The following DNAI1 variants were observed in gnomAD, a reference collection of about 807,000 sequenced individuals.
The protein encoded by DNAI1 is dynein axonemal intermediate chain 1, also known as dynein, axonemal, intermediate polypeptide 1.
In DNAI1, 67 loss-of-function variants were observed where a neutral mutation model predicts 92.0. That is an observed-to-expected ratio of 0.73 (90% CI 0.60 to 0.89). The LOEUF (loss-of-function observed/expected upper bound fraction) is 0.89. Ranked by LOEUF, DNAI1 falls within the 40% of genes least tolerant of loss-of-function variation. The pLI, the probability that DNAI1 is intolerant of heterozygous loss-of-function variation, is 0.00. For synonymous variants in DNAI1, 323 were observed against 319.6 expected, an observed-to-expected ratio of 1.01 and a Z score of -0.11; for missense variants, 839 against 866.6, an observed-to-expected ratio of 0.97 and a Z score of 0.40.
At chr9:34,514,045 T>C (rs1300964105) in intron 16 of DNAI1, among the ~76,000 whole-genome samples, 1 of 152,178 alleles carries the variant, frequency 6.6e-6, no homozygotes, top group Non-Finnish European at 1.5e-5. Context: ...GCCTGGAAGA[T>C]GGCCAGACCA....
At position 34,520,638 on chromosome 9, in the gene DNAI1, T is replaced by TA; in HGVS notation, c.2002-19dup. ...GGGGGCCCACCATTCCTCCCTCATG[T>TA]ATACTTTCCCTCTCCCCAGGAAAAG... On this transcript the variant is annotated intron_variant, in intron 19 of 19. Coordinates refer to ENST00000242317, the MANE Select transcript of DNAI1 (RefSeq NM_012144.4). 6.5e-7 allele frequency: 1 copy of TA among 1,550,350 alleles called. No individual in the cohort carries two copies. Among genetic ancestry groups the TA allele is most frequent in the Non-Finnish European group, 8.7e-7 (1 of 1,146,088 alleles).
intron 18 of DNAI1, among the ~76,000 whole-genome samples, chr9:34,516,222 G>A (rs1825168715): frequency 6.6e-6 from 1 of 152,206 alleles, no homozygotes; most frequent in South Asian, 2.1e-4. Context: ...TGTGGTTGGG[G>A]TAGAGTAAGC....
intron 2 of DNAI1, 121 bp from the exon 3 acceptor site, chr9:34,485,021 T>C: frequency 1.1e-6 from 1 of 925,936 alleles, no homozygotes; most frequent in African/African-American, 1.6e-5. Context: ...TTATACATTT[T>C]GTATTCTACA....
At chr9:34,472,839 C>T (rs1824166575) in intron 1 of DNAI1, among the ~76,000 whole-genome samples, 1 of 151,784 alleles carries the variant, frequency 6.6e-6, no homozygotes, top group Admixed American at 6.6e-5. Context: ...GAGGTCACAG[C>T]TGCAGTGAGC....
In DNAI1 at chr9:34,506,805, G is replaced by A. The variant is rs768199292; in HGVS notation, c.1242G>A (p.Lys414=). 2.2e-5 allele frequency: 36 copies of A among 1,614,134 alleles called. No homozygotes were observed. The highest frequency in any genetic ancestry group is 3.1e-5 in the Non-Finnish European group (36 of 1,180,030). ...YDGNVAIYNL[K]KPHSQPSFCS... ...GCAACGTGGCCATTTACAACCTCAA[G>A]AAGCCCCACTCCCAGCCCTCCTTCT... The change falls in exon 13 of 20, where the codon AAG becomes AAA. Residue 414 remains lysine (K), a synonymous_variant. Transcript: ENST00000242317.
In DNAI1 at chr9:34,487,208, C is replaced by T. The variant is rs140989616; in HGVS notation, c.261+1691C>T. ...GTTTCTTTTTTTTTTTTTGAGACTG[C>T]GCCTCGCTCTGTCGCCCAGGCTGGA... On this transcript the variant is annotated intron_variant, in intron 4 of 19. Transcript: ENST00000242317. Among the ~76,000 whole-genome samples the T allele has an allele frequency of 6.0e-5, 9 of 150,952 alleles. No individual in the cohort carries two copies. In the East Asian group the frequency reaches 7.8e-4, roughly 13 times the overall value.
Position 34,490,357 on chromosome 9 carries a change from C to G in DNAI1, c.502-12C>G. The G allele has an allele frequency of 2.5e-6, 4 of 1,614,174 alleles. No individual in the cohort carries two copies. Among genetic ancestry groups the G allele is most frequent in the Non-Finnish European group, 3.4e-6 (4 of 1,180,036 alleles). ...ACAGCTGATTCCTGATCCTCTGGGT[C>G]TTTATTTTCAGGCAGCTGAAAAAGT... On this transcript the variant is annotated splice_polypyrimidine_tract_variant and intron_variant, in intron 6 of 19. Coordinates refer to ENST00000242317, the MANE Select transcript of DNAI1 (RefSeq NM_012144.4).
chr9:34,501,278 AGAT>A, intron 12 of DNAI1, 97 bp downstream of exon 12: 1 of 1,049,772 alleles, frequency 9.5e-7, no homozygotes, highest in Non-Finnish European at 1.5e-6. Context: ...AGAAATACAA[AGAT>A]GACTGCCCGC....
At chr9:34,483,134 CTGG>C in intron 1 of DNAI1, among the ~76,000 whole-genome samples, 1 of 152,250 alleles carries the variant, frequency 6.6e-6, no homozygotes, top group East Asian at 1.9e-4. Context: ...CCGGTTCCCG[CTGG>C]TGCCTCTCCC....
intron 8 of DNAI1, 21 bp from the exon 9 acceptor site, chr9:34,493,173 T>C (rs892615618): frequency 6.2e-7 from 1 of 1,614,066 alleles, no homozygotes; most frequent in African/African-American, 1.3e-5. Flanking sequence ...CAATGATCCT[T>C]CTTATCTCAC....
At chr9:34,515,448 T>A (rs1250031319) in intron 18 of DNAI1, among the ~76,000 whole-genome samples, 1 of 152,190 alleles carries the variant, frequency 6.6e-6, no homozygotes, top group Admixed American at 6.5e-5. Context: ...GCTTATGTTC[T>A]AGTGAAGGGA....
intron 16 of DNAI1, among the ~76,000 whole-genome samples, chr9:34,513,634 G>A (rs543567843): frequency 1.3e-5 from 2 of 152,286 alleles, no homozygotes; most frequent in East Asian, 1.9e-4. Flanking sequence ...GTAGGTGAAC[G>A]TCCTTCTGAA....
At chr9:34,517,892 C>A (rs1247173300) in intron 19 of DNAI1, among the ~76,000 whole-genome samples, 4 of 152,182 alleles carry the variant, frequency 2.6e-5, no homozygotes, top group African/African-American at 9.7e-5. Context: ...AGCTGTGGGT[C>A]TACACAGAGA....
At chr9:34,497,013 A>G (rs1356529000) in intron 9 of DNAI1, 102 bp from the exon 10 acceptor site, 9 of 897,062 alleles carry the variant, frequency 1.0e-5, no homozygotes, top group Non-Finnish European at 1.5e-5. Flanking sequence ...GAGTAGTGCC[A>G]GAGAGCTACT....
intron 1 of DNAI1, among the ~76,000 whole-genome samples, chr9:34,480,167 G>C (rs1041187420): frequency 6.6e-6 from 1 of 152,052 alleles, no homozygotes; most frequent in African/African-American, 2.4e-5. Flanking sequence ...CTCCTTCCAG[G>C]AGCCCCTCCC....
chr9:34,487,564 AGC>A lies in DNAI1; in HGVS notation c.262-1758_262-1757del, dbSNP rs374018423. ...GGGAAGCCCGAAAAGGTCAGAGGGAAGCTGCCTTATCCTCCCTGATGTTTTGC... is the reference window on the plus strand; with the variant it reads ...GGGAAGCCCGAAAAGGTCAGAGGGAATGCCTTATCCTCCCTGATGTTTTGC... On this transcript the variant is annotated intron_variant, in intron 4 of 19. Coordinates refer to ENST00000242317, the MANE Select transcript of DNAI1 (RefSeq NM_012144.4). 2.9e-3 allele frequency among the ~76,000 whole-genome samples: 439 copies of A among 152,178 alleles called. 2 individuals are homozygous for A. Among genetic ancestry groups the A allele is most frequent in the African/African-American group, 9.9e-3 (410 of 41,550 alleles).
intron 9 of DNAI1, among the ~76,000 whole-genome samples, chr9:34,494,393 T>G (rs118136219): frequency 7.2e-5 from 11 of 152,220 alleles, no homozygotes; most frequent in Non-Finnish European, 1.2e-4. Context: ...ATCATGGCCG[T>G]GCGGGTACTG....
chr9:34,467,091 T>C (rs1475827751), intron 1 of DNAI1, among the ~76,000 whole-genome samples: 2 of 152,204 alleles, frequency 1.3e-5, no homozygotes, highest in African/African-American at 4.8e-5. Context: ...CAGTGGAAGA[T>C]ATAACTCGCT....
At chr9:34,481,489 G>T (rs374092340) in intron 1 of DNAI1, among the ~76,000 whole-genome samples, 3 of 152,208 alleles carry the variant, frequency 2.0e-5, no homozygotes, top group African/African-American at 7.2e-5. Context: ...ACTTGGGAAG[G>T]CTCAACCTCC....
Sources: gnomAD v4.1 joint callset for allele counts (sites outside exome capture counted in the v4.1 genomes callset) on GRCh38, gnomAD v4.1.1 for gene constraint, MANE v1.5 for transcripts, NCBI Gene and HGNC (gene_info 2026-07-23, HGNC 2026-07-21) for gene names.